SLC41A2: variants seen among roughly 807,000 people sequenced by gnomAD.
The protein encoded by SLC41A2 is solute carrier family 41 member 2.
SLC41A2 carries 32 observed loss-of-function variants against 58.3 expected under a neutral mutation model. That is an observed-to-expected ratio of 0.55 (90% CI 0.41 to 0.74). The LOEUF is 0.74. SLC41A2 is among the 30% of genes least tolerant of loss of function. SLC41A2 has a pLI of 0.00. For missense variants in SLC41A2, 514 were observed against 680.6 expected, an observed-to-expected ratio of 0.76 and a Z score of 2.72; for synonymous variants, 190 against 235.0, an observed-to-expected ratio of 0.81 and a Z score of 1.75.
chr12:104,840,813 T>C (rs1778789845), intron 10 of SLC41A2, among the ~76,000 whole-genome samples: 1 of 152,126 alleles, frequency 6.6e-6, no homozygotes, highest in Non-Finnish European at 1.5e-5. Flanking sequence ...TAAAAAATAA[T>C]TTCAAAAAAT....
chr12:104,887,405 C>T (rs530995195), intron 5 of SLC41A2, among the ~76,000 whole-genome samples: 6 of 151,850 alleles, frequency 4.0e-5, no homozygotes, highest in South Asian at 2.1e-4. Flanking sequence ...GACTCTAGCC[C>T]AGTGTTTTTT....
intron 6 of SLC41A2, among the ~76,000 whole-genome samples, chr12:104,870,278 A>G (rs1357359494): frequency 2.0e-5 from 3 of 152,212 alleles, no homozygotes; most frequent in Non-Finnish European, 4.4e-5. Flanking sequence ...GGCAGCTGCC[A>G]GAAGATGGAA....
chr12:104,873,935 A>G (rs561024914), intron 6 of SLC41A2, among the ~76,000 whole-genome samples: 1 of 152,244 alleles, frequency 6.6e-6, no homozygotes, highest in East Asian at 1.9e-4. Context: ...CTCCTTATCA[A>G]ACATATGGTT....
intron 10 of SLC41A2, among the ~76,000 whole-genome samples, chr12:104,817,161 A>G (rs1208488158): frequency 6.6e-6 from 1 of 152,222 alleles, no homozygotes; most frequent in Non-Finnish European, 1.5e-5. Context: ...CAACTGTAAC[A>G]GAACCAGAAG....
At chr12:104,903,236 A>G (rs1227822800) in intron 3 of SLC41A2, among the ~76,000 whole-genome samples, 1 of 152,102 alleles carries the variant, frequency 6.6e-6, no homozygotes, top group Non-Finnish European at 1.5e-5. Context: ...CCCTATACCC[A>G]TATCTCAATG....
At chr12:104,855,953 G>A (rs564510169) in intron 8 of SLC41A2, among the ~76,000 whole-genome samples, 1 of 150,668 alleles carries the variant, frequency 6.6e-6, no homozygotes, top group South Asian at 2.1e-4. Context: ...ATCTAGAAAG[G>A]AACAGATGTG....
intron 2 of SLC41A2, among the ~76,000 whole-genome samples, chr12:104,914,842 T>G (rs1325488179): frequency 3.3e-5 from 5 of 152,250 alleles, no homozygotes; most frequent in African/African-American, 1.2e-4. Context: ...ACATAGTAAT[T>G]AACTGAGTGT....
intron 8 of SLC41A2, among the ~76,000 whole-genome samples, 165 bp from the exon 9 acceptor site, chr12:104,846,139 G>C (rs1257816747): frequency 6.6e-6 from 1 of 152,072 alleles, no homozygotes; most frequent in Non-Finnish European, 1.5e-5. Flanking sequence ...CATTCCAAAG[G>C]CATAAAATCA....
chr12:104,931,935 C>T (rs566038271), intron 1 of SLC41A2: 1 of 152,326 alleles, frequency 6.6e-6, no homozygotes, highest in East Asian at 1.9e-4. Context: ...TTAAGCTACT[C>T]TGAGTGGTGT....
rs974888783 is a variant in SLC41A2 at position 104,899,808 on chromosome 12, A to G, written c.664-4463T>C. Among the ~76,000 whole-genome samples, 7 of 152,316 alleles carry G rather than the reference A, an allele frequency of 4.6e-5. 1 individual carries two copies. The highest frequency in any genetic ancestry group is 1.3e-4 in the Admixed American group (2 of 15,300). ...CATAGGTCACAGAAGACACTCAGTC[A>G]ACAAACACAGAAATCTTAACCAGTG... On this transcript the variant is annotated intron_variant, in intron 3 of 10. Coordinates refer to ENST00000258538, the MANE Select transcript of SLC41A2 (RefSeq NM_001352171.3).
chr12:104,917,046 A>C (rs1233708393), intron 2 of SLC41A2, among the ~76,000 whole-genome samples: 11 of 150,624 alleles, frequency 7.3e-5, no homozygotes, highest in African/African-American at 2.4e-4. Flanking sequence ...CAACCTACAA[A>C]ATGGGAGAAA....
intron 3 of SLC41A2, among the ~76,000 whole-genome samples, chr12:104,897,684 A>G (rs2045361105): frequency 6.6e-6 from 1 of 152,228 alleles, no homozygotes; most frequent in Non-Finnish European, 1.5e-5. Context: ...CTTTTTTTAT[A>G]AAGCAAAGAT....
chr12:104,923,943 C>T (rs1206929110), intron 2 of SLC41A2, among the ~76,000 whole-genome samples: 1 of 151,998 alleles, frequency 6.6e-6, no homozygotes, highest in African/African-American at 2.4e-5. Flanking sequence ...AGACGAGAGA[C>T]ATAAAACACA....
chr12:104,803,632 TGA>T lies in SLC41A2; in HGVS notation c.*1518_*1519del, dbSNP rs2040775080. The stretch of plus-strand genomic sequence containing the variant: ...TAAATTATTAAATATCTAACGGTCT[TGA>T]GAGATTGAATTTTAAAAAATGAACC... On this transcript the variant is annotated 3_prime_UTR_variant, in exon 11 of 11. Transcript: ENST00000258538. 3 of 152,198 alleles carry T rather than the reference TGA, an allele frequency of 2.0e-5. No homozygotes were observed. The allele number at this position is 152,198 out of a possible 1,614,324, so 9.4% of individuals were successfully genotyped here.
intron 8 of SLC41A2, among the ~76,000 whole-genome samples, chr12:104,848,755 A>C (rs964006326): frequency 1.3e-5 from 2 of 152,188 alleles, no homozygotes; most frequent in African/African-American, 4.8e-5. Flanking sequence ...AAAGTAAAAC[A>C]ACTCAGCACA....
In SLC41A2 at chr12:104,857,626, C is replaced by A. The variant is rs190460030; in HGVS notation, c.1255+3665G>T. ...CCCAAATTTGTCCATCAATGATAGA[C>A]TGAATTAAGAAAATGTGGCACATAT... On this transcript the variant is annotated intron_variant, in intron 8 of 10. Transcript: ENST00000258538. 1.4e-3 allele frequency among the ~76,000 whole-genome samples: 214 copies of A among 152,020 alleles called. 1 individual carries two copies. The highest frequency in any genetic ancestry group is 4.9e-3 in the African/African-American group (204 of 41,444).
At chr12:104,958,386 G>A (rs1259337511), upstream of SLC41A2, 1 of 149,962 alleles carries the variant, frequency 6.7e-6, no homozygotes, top group African/African-American at 2.4e-5. Context: ...CGCCGGGGAA[G>A]CCCGGGCCTT....
In SLC41A2 at chr12:104,947,899, A is replaced by G. The variant is rs933887326; in HGVS notation, c.-168+10189T>C. 1.1e-4 allele frequency among the ~76,000 whole-genome samples: 17 copies of G among 152,196 alleles called. 1 individual carries two copies. The highest frequency in any genetic ancestry group is 1.3e-4 in the Admixed American group (2 of 15,292). On this transcript the variant is annotated intron_variant, in intron 1 of 10. Coordinates refer to ENST00000258538, the MANE Select transcript of SLC41A2 (RefSeq NM_001352171.3). ...TAAACCAGATTATCTTAAATCATAC[A>G]ATAAGGGTTATCCTGGGCTAATGAA...
intron 3 of SLC41A2, among the ~76,000 whole-genome samples, chr12:104,905,179 C>T (rs1407685320): frequency 6.6e-6 from 1 of 152,088 alleles, no homozygotes; most frequent in African/African-American, 2.4e-5. Flanking sequence ...GATTGGTGCA[C>T]TCACAAACCT....
Sources: allele counts gnomAD v4.1 joint callset (sites outside exome capture counted in the v4.1 genomes callset), GRCh38; gene constraint gnomAD v4.1.1; transcripts MANE v1.5; gene names NCBI Gene and HGNC (gene_info 2026-07-23, HGNC 2026-07-21).